The following HPRT1 variants were observed in gnomAD, a reference collection of about 807,000 sequenced individuals.
HPRT1 encodes the protein hypoxanthine phosphoribosyltransferase 1.
Under a neutral mutation model 19.0 loss-of-function variants are expected in HPRT1, and 4 were observed. That is an observed-to-expected ratio of 0.21 (90% CI 0.10 to 0.48). The LOEUF is 0.48. Ranked by LOEUF, HPRT1 falls within the 20% of genes least tolerant of loss-of-function variation. HPRT1 has a pLI of 0.98. For missense variants in HPRT1, 65 were observed against 164.0 expected, an observed-to-expected ratio of 0.40 and a Z score of 3.30; for synonymous variants, 53 against 54.9, an observed-to-expected ratio of 0.97 and a Z score of 0.15.
rs200027842 is a variant in HPRT1 at position 134,477,015 on chromosome X, GTTTATTTTATTTTAT to G, written c.318+1684_318+1698del. On this transcript the variant is annotated intron_variant, in intron 3 of 8. Coordinates refer to ENST00000298556, the MANE Select transcript of HPRT1 (RefSeq NM_000194.3). ...CTATTTTTTTGGTATTTATTGATAT[GTTTATTTTATTTTAT>G]TTTATTTTATTTTATTTTATTTTAT... Among the ~76,000 whole-genome samples the G allele has an allele frequency of 9.7e-3, 947 of 97,675 alleles. 12 individuals are homozygous for G. Among genetic ancestry groups the G allele is most frequent in the African/African-American group, 0.034 (868 of 25,875 alleles). The allele number at this position is 97,675 out of a possible 115,157, so 84.8% of individuals were successfully genotyped here. A position where few individuals can be genotyped will look rare whatever the true frequency, so the allele number is the denominator to read the frequency against.
At chrX:134,471,654 A>G (rs1302814276) in intron 1 of HPRT1, among the ~76,000 whole-genome samples, 1 of 110,340 alleles carries the variant, frequency 9.1e-6, no homozygotes, top group African/African-American at 3.3e-5. Flanking sequence ...TTTCTTTTTT[A>G]TTTTGAGGTA....
intron 2 of HPRT1, among the ~76,000 whole-genome samples, chrX:134,473,717 C>G (rs759587825): frequency 8.9e-6 from 1 of 111,856 alleles, no homozygotes; most frequent in African/African-American, 3.2e-5. Flanking sequence ...AGAAGGAACT[C>G]TAGCCAGAGT....
In HPRT1 at chrX:134,492,581, G is replaced by A. The variant is rs1367582298; in HGVS notation, c.403-927G>A. On this transcript the variant is annotated intron_variant, in intron 5 of 8. Coordinates refer to ENST00000298556, the MANE Select transcript of HPRT1 (RefSeq NM_000194.3). The stretch of plus-strand genomic sequence containing the variant: ...GTTTTCTCACTGGCTGCTGGCCAGG[G>A]GTTGCTCCCAGATATTTAAAGGCTC... 1.8e-5 allele frequency: 6 copies of A among 324,918 alleles called. No homozygotes were observed. In the East Asian group the frequency reaches 5.0e-4, roughly 27 times the overall value. 26.8% of individuals were successfully genotyped at this position (324,918 alleles called of 1,213,427 possible). A position where few individuals can be genotyped will look rare whatever the true frequency, so the allele number is the denominator to read the frequency against.
At chrX:134,496,199 A>G (rs951010344) in intron 6 of HPRT1, among the ~76,000 whole-genome samples, 4 of 112,128 alleles carry the variant, frequency 3.6e-5, no homozygotes, top group South Asian at 3.7e-4. Flanking sequence ...CACCAGTAAC[A>G]TATGAGGGTT....
At position 134,486,543 on chromosome X, in the gene HPRT1, A is replaced by G. The variant is rs2077653394; in HGVS notation, c.384+13A>G. ...TTTAACTGGAAAGGTATGTATCTTG[A>G]AAGGGAAGAAAAAAAAGCACTTCAT... On this transcript the variant is annotated intron_variant, in intron 4 of 8. Coordinates refer to ENST00000298556, the MANE Select transcript of HPRT1 (RefSeq NM_000194.3). 1.9e-6 allele frequency: 2 copies of G among 1,053,527 alleles called. No individual in the cohort carries two copies. The highest frequency in any genetic ancestry group is 2.6e-6 in the Non-Finnish European group (2 of 755,047). The allele number at this position is 1,053,527 out of a possible 1,213,427, so 86.8% of individuals were successfully genotyped here.
chrX:134,497,864 G>A (rs767178448), intron 6 of HPRT1, among the ~76,000 whole-genome samples: 1 of 108,446 alleles, frequency 9.2e-6, no homozygotes, highest in South Asian at 4.1e-4. Flanking sequence ...GGAGAATGGC[G>A]TGAACCCAGG....
At chrX:134,470,656 T>C (rs1161135625) in intron 1 of HPRT1, among the ~76,000 whole-genome samples, 2 of 111,736 alleles carry the variant, frequency 1.8e-5, no homozygotes, top group Non-Finnish European at 3.8e-5. Flanking sequence ...GCATGTGAGC[T>C]AGAGTATTTC....
At chrX:134,460,669 A>C in intron 1 of HPRT1, 1 of 122,101 alleles carries the variant, frequency 8.2e-6, no homozygotes, top group Non-Finnish European at 1.6e-5. Flanking sequence ...TTCGGGAATG[A>C]TGGCGCGGGG....
intron 2 of HPRT1, 93 bp from the exon 3 acceptor site, chrX:134,475,088 C>A: frequency 1.4e-6 from 1 of 704,047 alleles, no homozygotes; most frequent in Non-Finnish European, 2.2e-6. Flanking sequence ...CTATATTGCC[C>A]AGGTTGGTGT....
intron 1 of HPRT1, among the ~76,000 whole-genome samples, chrX:134,472,165 G>A (rs747607372): frequency 2.6e-4 from 29 of 109,741 alleles, no homozygotes; most frequent in African/African-American, 9.6e-4. Flanking sequence ...GTAGGGACGG[G>A]GTCTTGCTAC....
chrX:134,475,394 A>T, intron 3 of HPRT1, 30 bp downstream of exon 3: 2 of 929,327 alleles, frequency 2.2e-6, no homozygotes, highest in Non-Finnish European at 3.1e-6. Flanking sequence ...GATTCTTTTT[A>T]GTGGCAACAG....
intron 8 of HPRT1, among the ~76,000 whole-genome samples, chrX:134,499,504 C>T (rs921314298): frequency 9.8e-6 from 1 of 102,059 alleles, no homozygotes; most frequent in African/African-American, 3.6e-5. Context: ...CAAAAAACTA[C>T]GTATTAAGAC....
intron 3 of HPRT1, among the ~76,000 whole-genome samples, chrX:134,479,884 G>T (rs2077634776): frequency 9.0e-6 from 1 of 111,006 alleles, no homozygotes; most frequent in Non-Finnish European, 1.9e-5. Context: ...GAAATTACAG[G>T]CATGGGCCAC....
chrX:134,493,806 G>T (rs2077673899), intron 6 of HPRT1, among the ~76,000 whole-genome samples: 1 of 111,706 alleles, frequency 9.0e-6, no homozygotes, highest in African/African-American at 3.3e-5. Context: ...TTAACATTTG[G>T]TTTTTCAGCA....
intron 5 of HPRT1, among the ~76,000 whole-genome samples, chrX:134,491,931 A>G (rs903741710): frequency 1.4e-4 from 14 of 101,302 alleles, no homozygotes; most frequent in Admixed American, 7.9e-4. Flanking sequence ...GTATGTATGT[A>G]TATATGTGTG....
intron 3 of HPRT1, among the ~76,000 whole-genome samples, chrX:134,483,312 T>C (rs2077644695): frequency 8.9e-6 from 1 of 111,793 alleles, no homozygotes; most frequent in African/African-American, 3.2e-5. Flanking sequence ...GCAGTTCTTA[T>C]TGCTACCTAG....
intron 1 of HPRT1, among the ~76,000 whole-genome samples, chrX:134,472,088 C>T (rs1042699551): frequency 9.0e-6 from 1 of 110,853 alleles, no homozygotes; most frequent in African/African-American, 3.3e-5. Context: ...CTTCTGCCTC[C>T]GCCTCCCGAG....
chrX:134,485,281 T>A (rs998671130), intron 3 of HPRT1, among the ~76,000 whole-genome samples: 1 of 111,914 alleles, frequency 8.9e-6, no homozygotes, highest in African/African-American at 3.2e-5. Context: ...ATTGTCTATT[T>A]GTGTTCATTC....
At chrX:134,470,521 G>A (rs2077607848) in intron 1 of HPRT1, among the ~76,000 whole-genome samples, 1 of 111,737 alleles carries the variant, frequency 8.9e-6, no homozygotes, top group Non-Finnish European at 1.9e-5. Flanking sequence ...AAAAGGAGAT[G>A]CTCAATAGGT....
Sources: allele counts gnomAD v4.1 joint callset (sites outside exome capture counted in the v4.1 genomes callset), GRCh38; gene constraint gnomAD v4.1.1; transcripts MANE v1.5; gene names NCBI Gene and HGNC (gene_info 2026-07-23, HGNC 2026-07-21).